The following CUX1 variants were observed in gnomAD, a reference collection of about 807,000 sequenced individuals.
CUX1 encodes cut like homeobox 1, also known as protein CASP.
Under a neutral mutation model 158.8 loss-of-function variants are expected in CUX1, and 31 were observed. The observed-to-expected ratio is 0.20, with a 90% CI of 0.15 to 0.26. The LOEUF is 0.26. CUX1 is among the 10% of genes least tolerant of loss of function. The probability of loss-of-function intolerance (pLI) is 1.00; values close to 1 mark genes in which losing one functional copy is unlikely to be tolerated. For missense variants in CUX1, 1,589 were observed against 2,014.6 expected, an observed-to-expected ratio of 0.79 and a Z score of 4.04; for synonymous variants, 879 against 862.1, an observed-to-expected ratio of 1.02 and a Z score of -0.34.
At chr7:102,076,664 C>G (rs1826766605) in intron 4 of CUX1, among the ~76,000 whole-genome samples, 1 of 152,136 alleles carries the variant, frequency 6.6e-6, no homozygotes, top group Non-Finnish European at 1.5e-5. Context: ...GGCTGAGCCC[C>G]AGGGATACAA....
chr7:102,200,009 C>T, intron 16 of CUX1, 62 bp from the exon 17 acceptor site: 8 of 1,415,558 alleles, frequency 5.7e-6, no homozygotes, highest in South Asian at 2.5e-5. Flanking sequence ...GACGTCTTCG[C>T]GCAGCGCTGA....
Position 102,274,386 on chromosome 7 carries a change from A to G in CUX1, c.1450+76A>G, listed in dbSNP as rs1791449498. The G allele has an allele frequency of 2.3e-6, 3 of 1,301,888 alleles. No homozygotes were observed. The Admixed American group carries it at 5.4e-5, about 24-fold the overall frequency. The allele number at this position is 1,301,888 out of a possible 1,614,324, so 80.6% of individuals were successfully genotyped here. A position where few individuals can be genotyped will look rare whatever the true frequency, so the allele number is the denominator to read the frequency against. ...CAGGTGATACCGCCTGAGAACACAG[A>G]TCCCCAAAGAGTAGTCCCTTCCTCT... is the stretch of plus-strand genomic sequence containing the variant. On this transcript the variant is annotated intron_variant, in intron 16 of 22. Coordinates refer to the CUX1 transcript ENST00000292538.
At chr7:101,843,607 T>A (rs1757661281) in intron 1 of CUX1, among the ~76,000 whole-genome samples, 1 of 152,196 alleles carries the variant, frequency 6.6e-6, no homozygotes, top group South Asian at 2.1e-4. Context: ...AATTGATTTT[T>A]AAATTCACTT....
rs529373534 is a variant in CUX1, at chr7:102,204,218, C to G, written c.2908-173C>G. On this transcript the variant is annotated intron_variant, in intron 18 of 23. Coordinates refer to ENST00000292535, the MANE Select transcript of CUX1 (RefSeq NM_181552.4). ...TGCCGGGGTCTCAGCCACCGTTGAT[C>G]TTTAAATGCATATTCCCTGCCCACA... 1.5e-3 allele frequency among the ~76,000 whole-genome samples: 227 copies of G among 152,356 alleles called. 2 individuals carry two copies. Among genetic ancestry groups the G allele is most frequent in the Non-Finnish European group, 2.7e-3 (182 of 68,028 alleles).
At chr7:102,141,789 A>ATTTT (rs71123009) in intron 8 of CUX1, among the ~76,000 whole-genome samples, 27 of 102,576 alleles carry the variant, frequency 2.6e-4, no homozygotes, top group African/African-American at 5.8e-4. Flanking sequence ...CTCTCAGCTA[A>ATTTT]TTTTTTTTTT....
At chr7:102,152,964 T>G (rs1172595386) in intron 8 of CUX1, among the ~76,000 whole-genome samples, 3 of 152,220 alleles carry the variant, frequency 2.0e-5, no homozygotes, top group African/African-American at 7.2e-5. Flanking sequence ...TTTTGGTCCG[T>G]TTAGCAGTTG....
chr7:101,906,175 C>T (rs996461586), intron 1 of CUX1, among the ~76,000 whole-genome samples: 13 of 151,850 alleles, frequency 8.6e-5, no homozygotes, highest in Admixed American at 7.2e-4. Flanking sequence ...TCCCCAGGAC[C>T]CTGCAAAGTT....
chr7:102,216,815 C>T (rs1554525031), intron 20 of CUX1, among the ~76,000 whole-genome samples: 1 of 109,486 alleles, frequency 9.1e-6, no homozygotes, highest in Non-Finnish European at 2.0e-5. Flanking sequence ...CCCCCACACA[C>T]ACTCTCCCAC....
intron 1 of CUX1, among the ~76,000 whole-genome samples, chr7:101,866,893 T>G (rs983698719): frequency 1.3e-5 from 2 of 152,182 alleles, no homozygotes; most frequent in African/African-American, 4.8e-5. Flanking sequence ...GAATAAGGCA[T>G]ATAGGAATAA....
chr7:101,953,323 A>G lies in CUX1; in HGVS notation c.141+37098A>G, dbSNP rs1010892241. On this transcript the variant is annotated intron_variant, in intron 2 of 23. Transcript: ENST00000292535. ...TGGCTGATCTTCCACTTGGTGCGGT[A>G]AGAAGCATTTAAATACATTCCCGGC... Among the ~76,000 whole-genome samples the G allele has an allele frequency of 2.0e-5, 3 of 152,234 alleles. No homozygotes were observed. In the East Asian group the frequency reaches 5.8e-4, roughly 29 times the overall value.
At chr7:101,837,459 G>A (rs1794751413) in intron 1 of CUX1, among the ~76,000 whole-genome samples, 1 of 152,024 alleles carries the variant, frequency 6.6e-6, no homozygotes, top group African/African-American at 2.4e-5. Flanking sequence ...GGATAGAAAC[G>A]AGCTCAATTT....
intron 8 of CUX1, among the ~76,000 whole-genome samples, chr7:102,138,069 A>G (rs1728471885): frequency 6.6e-6 from 1 of 151,994 alleles, no homozygotes. Flanking sequence ...CTGTAGTCTT[A>G]GCTACTTTGG....
At chr7:101,968,676 G>T (rs1811542188) in intron 2 of CUX1, among the ~76,000 whole-genome samples, 1 of 152,122 alleles carries the variant, frequency 6.6e-6, no homozygotes, top group Non-Finnish European at 1.5e-5. Context: ...ACCTATTTTG[G>T]CCTCCCAAAG....
intron 1 of CUX1, among the ~76,000 whole-genome samples, chr7:101,821,627 C>T (rs1323543413): frequency 1.3e-5 from 2 of 149,810 alleles, no homozygotes; most frequent in East Asian, 3.9e-4. Flanking sequence ...CGTGAGCCAC[C>T]GTGCCCGGCC....
chr7:102,227,069 G>A (rs1212804920), intron 20 of CUX1, among the ~76,000 whole-genome samples: 6 of 152,122 alleles, frequency 3.9e-5, no homozygotes, highest in East Asian at 3.8e-4. Flanking sequence ...AAATGACAGC[G>A]ATAACATGAT....
rs540342910 is a variant in CUX1 at position 102,082,923 on chromosome 7, T to C, written c.268+12506T>C. On this transcript the variant is annotated intron_variant, in intron 4 of 23. Coordinates refer to ENST00000292535, the MANE Select transcript of CUX1 (RefSeq NM_181552.4). ...CTATAAACATTCATGGAGAAGTTGT[T>C]ACATAGGTATATGTTTTTATTTCCC... Among the ~76,000 whole-genome samples, 27 of 147,882 alleles carry C rather than the reference T, an allele frequency of 1.8e-4. No homozygotes were observed. The East Asian group carries it at 4.8e-3, about 26-fold the overall frequency.
chr7:102,095,841 C>G (rs1398747878), intron 4 of CUX1, among the ~76,000 whole-genome samples: 1 of 152,216 alleles, frequency 6.6e-6, no homozygotes, highest in African/African-American at 2.4e-5. Context: ...TATTCTTCCA[C>G]TCTGACGGAG....
chr7:102,154,983 G>A (rs1354236548), intron 8 of CUX1, among the ~76,000 whole-genome samples: 1 of 152,184 alleles, frequency 6.6e-6, no homozygotes, highest in East Asian at 1.9e-4. Flanking sequence ...TTAGGCAATT[G>A]TCAACCTCTG....
intron 7 of CUX1, among the ~76,000 whole-genome samples, chr7:102,112,397 A>G (rs1341360755): frequency 9.0e-6 from 1 of 111,448 alleles, no homozygotes; most frequent in Admixed American, 8.2e-5. Flanking sequence ...GCCCACCACC[A>G]TGCCTGGCTG....
Sources: allele counts gnomAD v4.1 joint callset (sites outside exome capture counted in the v4.1 genomes callset), GRCh38; gene constraint gnomAD v4.1.1; transcripts MANE v1.5; gene names NCBI Gene and HGNC (gene_info 2026-07-23, HGNC 2026-07-21).